Variants in MGAT5 observed in about 807,000 individuals in gnomAD.
MGAT5 encodes the protein alpha-1,6-mannosylglycoprotein 6-beta-N-acetylglucosaminyltransferase.
Under a neutral mutation model 94.3 loss-of-function variants are expected in MGAT5, and 30 were observed. The observed-to-expected ratio is 0.32, with a 90% confidence interval of 0.24 to 0.43. The LOEUF is 0.43. Among genes scored for constraint, MGAT5 ranks in the 20% least tolerant of loss-of-function variants. MGAT5 has a pLI of 1.00. For synonymous variants in MGAT5, 310 were observed against 322.9 expected (o/e 0.96, Z 0.43); for missense variants, 691 against 905.5 (o/e 0.76, Z 3.04).
intron 4 of MGAT5, among the ~76,000 whole-genome samples, chr2:134,323,758 G>A (rs979299372): frequency 1.3e-5 from 2 of 151,854 alleles, no homozygotes; most frequent in Non-Finnish European, 2.9e-5. Context: ...GATACCCTAC[G>A]CCTCCAAAAA....
At chr2:134,130,598 C>A (rs1686105353) in intron 1 of MGAT5, among the ~76,000 whole-genome samples, 1 of 151,872 alleles carries the variant, frequency 6.6e-6, no homozygotes, top group Non-Finnish European at 1.5e-5. Flanking sequence ...TCTAGCTGAT[C>A]TGGTGGGGAC....
intron 1 of MGAT5, among the ~76,000 whole-genome samples, chr2:134,230,339 C>G (rs577816321): frequency 2.4e-3 from 369 of 152,288 alleles, no homozygotes; most frequent in South Asian, 0.014. Flanking sequence ...GGCCCAGTTC[C>G]TAACAGGCCA....
intron 1 of MGAT5, among the ~76,000 whole-genome samples, chr2:134,237,282 C>G (rs1681698834): frequency 6.6e-6 from 1 of 152,188 alleles, no homozygotes. Context: ...TGTGAGACTT[C>G]CCACTCAGCC....
Position 134,342,122 on chromosome 2 carries a change from T to G in MGAT5, c.977+363T>G, listed in dbSNP as rs142019077. Among the ~76,000 whole-genome samples the G allele has an allele frequency of 3.5e-3, 530 of 152,288 alleles. 2 individuals are homozygous for G. The highest frequency in any genetic ancestry group is 6.5e-3 in the Non-Finnish European group (443 of 68,010). ...ACCACTGCCTACTCAACATCAATCT[T>G]GCTAAATCTTGAAACAGGGCAGGTT... is the stretch of plus-strand genomic sequence containing the variant. On this transcript the variant is annotated intron_variant, in intron 7 of 15. Coordinates refer to ENST00000281923, the MANE Select transcript of MGAT5 (RefSeq NM_002410.5).
intron 11 of MGAT5, among the ~76,000 whole-genome samples, chr2:134,410,488 C>G: frequency 6.6e-6 from 1 of 152,204 alleles, no homozygotes; most frequent in East Asian, 1.9e-4. Context: ...AGGCTTCATT[C>G]TAAACATATG....
At position 134,424,953 on chromosome 2, in the gene MGAT5, C is replaced by T. The variant is rs138824664; in HGVS notation, c.1794+2034C>T. 2.6e-3 allele frequency among the ~76,000 whole-genome samples: 391 copies of T among 152,324 alleles called. 1 individual carries two copies. The highest frequency in any genetic ancestry group is 9.0e-3 in the African/African-American group (373 of 41,576). On this transcript the variant is annotated intron_variant, in intron 13 of 15. Transcript: ENST00000281923. The stretch of plus-strand genomic sequence containing the variant: ...AGTGTGACCTCATCTAACTTGTTTA[C>T]ATCTACAAAGACCCTATTTCCAAAT...
chr2:134,156,647 G>A (rs573676137), intron 1 of MGAT5, among the ~76,000 whole-genome samples: 2 of 152,272 alleles, frequency 1.3e-5, no homozygotes, highest in South Asian at 4.1e-4. Context: ...TCTTGAGTTG[G>A]CTCCCTGTGC....
chr2:134,437,844 G>A (rs981170869), intron 14 of MGAT5, among the ~76,000 whole-genome samples: 2 of 151,996 alleles, frequency 1.3e-5, no homozygotes, highest in Non-Finnish European at 1.5e-5. Flanking sequence ...GCGAAACCCC[G>A]TCTTTACTAA....
At chr2:134,302,186 T>C (rs1686060246) in intron 2 of MGAT5, among the ~76,000 whole-genome samples, 1 of 152,206 alleles carries the variant, frequency 6.6e-6, no homozygotes, top group African/African-American at 2.4e-5. Flanking sequence ...AATAAGACTT[T>C]ATTTACAAAA....
intron 1 of MGAT5, among the ~76,000 whole-genome samples, chr2:134,171,555 C>T (rs554311799): frequency 2.6e-4 from 40 of 152,192 alleles, no homozygotes; most frequent in South Asian, 6.2e-4. Flanking sequence ...CTCTGGGTGT[C>T]GAAGTGATAG....
intron 1 of MGAT5, among the ~76,000 whole-genome samples, chr2:134,169,773 A>T (rs897834928): frequency 6.6e-6 from 1 of 152,182 alleles, no homozygotes; most frequent in African/African-American, 2.4e-5. Flanking sequence ...GGTTTTGCTG[A>T]TGGTAGAATT....
intron 1 of MGAT5, among the ~76,000 whole-genome samples, chr2:134,212,695 T>C (rs1680265331): frequency 6.6e-6 from 1 of 152,236 alleles, no homozygotes; most frequent in Non-Finnish European, 1.5e-5. Context: ...TCCAACTTCC[T>C]GAAAAATCAA....
At position 134,268,146 on chromosome 2, in the gene MGAT5, G is replaced by A. The variant is rs1573657366; in HGVS notation, c.242-2240G>A. On this transcript the variant is annotated intron_variant, in intron 1 of 15. Transcript: ENST00000281923. This position sits in a 1 kb window ranked among gnomAD's most constrained non-coding sequence, Gnocchi z 4.1. ...CAGTCACCACGACAAAGAATTACCC[G>A]GCCCAAAGTGTCAGTAGTGCCGAGG... Among the ~76,000 whole-genome samples the A allele has an allele frequency of 6.6e-6, 1 of 152,114 alleles. No individual in the cohort carries two copies. The highest frequency in any genetic ancestry group is 1.5e-5 in the Non-Finnish European group (1 of 68,024).
intron 10 of MGAT5, among the ~76,000 whole-genome samples, chr2:134,363,394 CA>C (rs971402977): frequency 2.6e-5 from 4 of 152,182 alleles, no homozygotes; most frequent in African/African-American, 7.2e-5. Flanking sequence ...CTAACTACAC[CA>C]AAGGGATGAT....
At chr2:134,201,649 G>A (rs1414281393) in intron 1 of MGAT5, among the ~76,000 whole-genome samples, 5 of 151,990 alleles carry the variant, frequency 3.3e-5, no homozygotes, top group African/African-American at 4.8e-5. Flanking sequence ...ACCTGTGCTT[G>A]TCAGATCCTC....
chr2:134,402,146 A>G (rs1405162422), intron 10 of MGAT5, among the ~76,000 whole-genome samples: 1 of 152,256 alleles, frequency 6.6e-6, no homozygotes, highest in Non-Finnish European at 1.5e-5. Flanking sequence ...CAAAAAAAGG[A>G]AAAGAAAAAC....
chr2:134,447,742 G>A (rs1452261946), intron 15 of MGAT5, among the ~76,000 whole-genome samples: 1 of 152,232 alleles, frequency 6.6e-6, no homozygotes, highest in East Asian at 1.9e-4. Context: ...AAAACTGTTG[G>A]GAATGGAAAC....
intron 10 of MGAT5, among the ~76,000 whole-genome samples, 161 bp downstream of exon 10, chr2:134,362,569 G>A (rs1360214247): frequency 6.6e-6 from 1 of 152,210 alleles, no homozygotes; most frequent in Non-Finnish European, 1.5e-5. Flanking sequence ...CAGCATTTGG[G>A]TTTCTAACCA....
intron 5 of MGAT5, among the ~76,000 whole-genome samples, chr2:134,338,034 C>A (rs867746414): frequency 3.2e-4 from 48 of 152,252 alleles, no homozygotes; most frequent in African/African-American, 1.2e-3. Context: ...TTCTCAATTT[C>A]TAATTTTTTA....
Sources: gnomAD v4.1 joint callset for allele counts (sites outside exome capture counted in the v4.1 genomes callset) on GRCh38, gnomAD v4.1.1 for gene constraint, Gnocchi (gnomAD v3.1) non-coding constraint, MANE v1.5 for transcripts, NCBI Gene and HGNC (gene_info 2026-07-23, HGNC 2026-07-21) for gene names.